The following RARB variants were observed in gnomAD, a reference collection of about 807,000 sequenced individuals.
RARB encodes HBV-activated protein.
A neutral mutation model predicts 51.9 loss-of-function variants in RARB; 17 were observed. That is an observed-to-expected ratio of 0.33 (90% CI 0.22 to 0.49). The LOEUF is 0.49. Among genes scored for constraint, RARB ranks in the 20% least tolerant of loss-of-function variants. The pLI, the probability that RARB is intolerant of heterozygous loss-of-function variation, is 0.99. For synonymous variants in RARB, 215 were observed against 195.4 expected (o/e 1.10, Z -0.84); for missense variants, 369 against 550.8 (o/e 0.67, Z 3.30).
chr3:25,167,253 A>T (rs1700575650), intron 4 of RARB, among the ~76,000 whole-genome samples: 1 of 152,250 alleles, frequency 6.6e-6, no homozygotes, highest in African/African-American at 2.4e-5. Flanking sequence ...ACATCCAGTG[A>T]AATATAATGG....
intron 4 of RARB, among the ~76,000 whole-genome samples, chr3:25,171,703 G>A (rs1332839278): frequency 6.8e-6 from 1 of 147,142 alleles, no homozygotes; most frequent in Non-Finnish European, 1.5e-5. Flanking sequence ...GGGTGGATTT[G>A]CTGAACTGTC....
chr3:25,248,082 A>T (rs961288377), intron 5 of RARB, among the ~76,000 whole-genome samples: 6 of 152,052 alleles, frequency 3.9e-5, no homozygotes, highest in African/African-American at 9.7e-5. Flanking sequence ...ATGGTTCAGG[A>T]TTTTTATTTC....
intron 2 of RARB, among the ~76,000 whole-genome samples, chr3:24,859,635 C>T (rs1174762393): frequency 1.3e-5 from 2 of 152,104 alleles, no homozygotes; most frequent in East Asian, 1.9e-4. Context: ...TTAAGGTTTT[C>T]CAGGGTAAAA....
chr3:25,154,138 A>G (rs1400594865), intron 4 of RARB, among the ~76,000 whole-genome samples: 1 of 152,236 alleles, frequency 6.6e-6, no homozygotes, highest in Non-Finnish European at 1.5e-5. Context: ...AATTAAAGAT[A>G]TCTTATTGAT....
At chr3:24,938,945 A>G (rs1387533523) in intron 2 of RARB, among the ~76,000 whole-genome samples, 1 of 150,686 alleles carries the variant, frequency 6.6e-6, no homozygotes, top group Non-Finnish European at 1.5e-5. Context: ...CATTTATCAC[A>G]TTTTGTTCAT....
At position 24,989,017 on chromosome 3, in the gene RARB, G is replaced by A. The variant is rs569796512; in HGVS notation, c.-379-71108G>A. 4.6e-3 allele frequency among the ~76,000 whole-genome samples: 698 copies of A among 152,118 alleles called. 4 individuals carry two copies. Among genetic ancestry groups the A allele is most frequent in the African/African-American group, 0.016 (651 of 41,508 alleles). Reference sequence around the variant, plus strand: ...ATTTTTGTATTTTTATTAGAGACAGGGTTTCACCACGTTGGCCAGGCTGGT... The same window carrying A: ...ATTTTTGTATTTTTATTAGAGACAGAGTTTCACCACGTTGGCCAGGCTGGT... On this transcript the variant is annotated intron_variant, in intron 2 of 11. Transcript: ENST00000383772.
At chr3:25,022,714 C>T (rs959186191) in intron 2 of RARB, among the ~76,000 whole-genome samples, 1 of 152,098 alleles carries the variant, frequency 6.6e-6, no homozygotes, top group African/African-American at 2.4e-5. Flanking sequence ...GAAGAGCTGA[C>T]ATTTGAAATG....
At chr3:25,534,445 C>G (rs1431702507) in intron 3 of RARB, among the ~76,000 whole-genome samples, 1 of 151,902 alleles carries the variant, frequency 6.6e-6, no homozygotes, top group Non-Finnish European at 1.5e-5. Context: ...ACTTTTTTTC[C>G]TTAATAGCAT....
At chr3:24,906,706 A>G (rs1471223001) in intron 2 of RARB, among the ~76,000 whole-genome samples, 3 of 151,894 alleles carry the variant, frequency 2.0e-5, no homozygotes, top group Admixed American at 2.0e-4. Context: ...TTAGCTGGGC[A>G]TGGTGGCGGG....
intron 2 of RARB, among the ~76,000 whole-genome samples, chr3:24,863,442 T>C (rs917869480): frequency 6.6e-6 from 1 of 152,182 alleles, no homozygotes; most frequent in South Asian, 2.1e-4. Flanking sequence ...AATGGTTTAA[T>C]GGTCATTTAG....
intron 2 of RARB, among the ~76,000 whole-genome samples, chr3:25,476,436 T>C (rs979354487): frequency 1.3e-5 from 2 of 152,314 alleles, no homozygotes; most frequent in African/African-American, 4.8e-5. Context: ...GATACTCTTA[T>C]TTGGCTGTGC....
intron 5 of RARB, among the ~76,000 whole-genome samples, chr3:25,207,319 A>G (rs1701575828): frequency 1.3e-5 from 2 of 152,124 alleles, no homozygotes; most frequent in African/African-American, 4.8e-5. Flanking sequence ...GTATCTTCTT[A>G]TTCACTTAAC....
At chr3:25,236,361 C>A (rs1199716957) in intron 5 of RARB, among the ~76,000 whole-genome samples, 1 of 152,116 alleles carries the variant, frequency 6.6e-6, no homozygotes, top group Non-Finnish European at 1.5e-5. Context: ...TAATTCTTAT[C>A]TCAGAATAGC....
chr3:24,901,416 T>C (rs1187649219), intron 2 of RARB, among the ~76,000 whole-genome samples: 1 of 152,216 alleles, frequency 6.6e-6, no homozygotes, highest in African/African-American at 2.4e-5. Flanking sequence ...TTATATTTTT[T>C]ACTTTTTTGA....
intron 5 of RARB, among the ~76,000 whole-genome samples, chr3:25,380,471 C>T (rs1706592013): frequency 6.6e-6 from 1 of 152,134 alleles, no homozygotes; most frequent in South Asian, 2.1e-4. Flanking sequence ...GTTATGTGAC[C>T]ATTTCCCTGA....
At chr3:24,844,665 T>C (rs1365976948) in intron 1 of RARB, among the ~76,000 whole-genome samples, 1 of 152,222 alleles carries the variant, frequency 6.6e-6, no homozygotes, top group Non-Finnish European at 1.5e-5. Context: ...AAATCAAATA[T>C]GGCACTTCTT....
intron 2 of RARB, among the ~76,000 whole-genome samples, chr3:25,463,353 A>G (rs555564671): frequency 7.5e-4 from 114 of 151,756 alleles, no homozygotes; most frequent in African/African-American, 2.5e-3. Context: ...AGTCTGGCAT[A>G]TAGTGGGTGC....
chr3:25,084,622 A>G (rs939065957), intron 3 of RARB, among the ~76,000 whole-genome samples: 1 of 152,034 alleles, frequency 6.6e-6, no homozygotes, highest in African/African-American at 2.4e-5. Context: ...ATGAAACACC[A>G]TTTTAAAGGA....
At chr3:25,435,322 G>A (rs1174959520) in intron 1 of RARB, among the ~76,000 whole-genome samples, 1 of 152,202 alleles carries the variant, frequency 6.6e-6, no homozygotes, top group Non-Finnish European at 1.5e-5. Flanking sequence ...CGGTTAACTA[G>A]GGAGAGAAGA....
Sources: allele counts gnomAD v4.1 joint callset (sites outside exome capture counted in the v4.1 genomes callset), GRCh38; gene constraint gnomAD v4.1.1; transcripts MANE v1.5; gene names NCBI Gene and HGNC (gene_info 2026-07-23, HGNC 2026-07-21).